The following ADAMTSL1 variants were observed in gnomAD, a reference collection of about 807,000 sequenced individuals.
ADAMTSL1 encodes ADAMTS like 1.
A neutral mutation model predicts 201.8 loss-of-function variants in ADAMTSL1; 126 were observed. The observed-to-expected ratio is 0.62, with a 90% CI of 0.54 to 0.72. The LOEUF (loss-of-function observed/expected upper bound fraction) is 0.72. Among genes scored for constraint, ADAMTSL1 ranks in the 30% least tolerant of loss-of-function variants. The pLI, the probability that ADAMTSL1 is intolerant of heterozygous loss-of-function variation, is 0.00. For missense variants in ADAMTSL1, 2,679 were observed against 2,277.8 expected, an observed-to-expected ratio of 1.18 and a Z score of -3.59; for synonymous variants, 1,121 against 903.4, an observed-to-expected ratio of 1.24 and a Z score of -4.32.
intron 2 of ADAMTSL1, among the ~76,000 whole-genome samples, chr9:18,284,341 A>G (rs1013652666): frequency 3.9e-5 from 6 of 152,216 alleles, no homozygotes; most frequent in African/African-American, 1.4e-4. Flanking sequence ...GACTTTGTCC[A>G]TATGCTTATG....
rs540447325 is a variant in ADAMTSL1 at position 18,323,297 on chromosome 9, C to T, written c.207+159316C>T. On this transcript the variant is annotated intron_variant, in intron 2 of 29. Transcript: ENST00000680146. ...ATTAACAAAAAAACTATAGAATCAGCTCAATGGAGTAATAAAAATTATTTG... is the reference window on the plus strand; with the variant it reads ...ATTAACAAAAAAACTATAGAATCAGTTCAATGGAGTAATAAAAATTATTTG... Among the ~76,000 whole-genome samples, 5 of 152,148 alleles carry T rather than the reference C, an allele frequency of 3.3e-5. No individual in the cohort carries two copies. The South Asian group carries it at 1.0e-3, about 32-fold the overall frequency.
chr9:18,517,248 G>C (rs554504643), intron 2 of ADAMTSL1, among the ~76,000 whole-genome samples: 3 of 151,680 alleles, frequency 2.0e-5, no homozygotes, highest in Non-Finnish European at 4.4e-5. Context: ...GCAATCCCCC[G>C]GCCCCCACCC....
chr9:18,244,254 CA>C, intron 2 of ADAMTSL1, among the ~76,000 whole-genome samples: 1 of 152,186 alleles, frequency 6.6e-6, no homozygotes. Context: ...GCCTGTCTGG[CA>C]CAGACTCTCT....
intron 1 of ADAMTSL1, among the ~76,000 whole-genome samples, chr9:17,967,063 A>G (rs1016628944): frequency 6.6e-6 from 1 of 152,136 alleles, no homozygotes; most frequent in Non-Finnish European, 1.5e-5. Flanking sequence ...AAGTTGTAAT[A>G]TCCTTAAGTG....
chr9:18,181,193 AC>A (rs1736486683), intron 2 of ADAMTSL1, among the ~76,000 whole-genome samples: 1 of 152,214 alleles, frequency 6.6e-6, no homozygotes, highest in Admixed American at 6.5e-5. Flanking sequence ...CTAGAAGAAA[AC>A]CTAGGCAACA....
At chr9:17,943,672 A>T (rs935977292) in intron 1 of ADAMTSL1, among the ~76,000 whole-genome samples, 2 of 152,110 alleles carry the variant, frequency 1.3e-5, no homozygotes, top group Non-Finnish European at 1.5e-5. Flanking sequence ...CTTCCTCATG[A>T]CTTCATGAAT....
At chr9:17,917,707 T>C (rs1227203144) in intron 1 of ADAMTSL1, among the ~76,000 whole-genome samples, 3 of 152,106 alleles carry the variant, frequency 2.0e-5, no homozygotes, top group South Asian at 2.1e-4. Flanking sequence ...ATAGAATAAG[T>C]CAGAAAATAT....
At chr9:18,061,713 C>T (rs1822462774) in intron 1 of ADAMTSL1, among the ~76,000 whole-genome samples, 1 of 152,182 alleles carries the variant, frequency 6.6e-6, no homozygotes, top group South Asian at 2.1e-4. Context: ...AAGTTAGTGT[C>T]ATATCATTTG....
intron 2 of ADAMTSL1, among the ~76,000 whole-genome samples, chr9:18,273,221 A>C (rs764796474): frequency 6.6e-6 from 1 of 152,188 alleles, no homozygotes; most frequent in Non-Finnish European, 1.5e-5. Flanking sequence ...CAGGGACTAC[A>C]GGCAGGCACC....
At chr9:18,544,193 G>A (rs186954757) in intron 3 of ADAMTSL1, among the ~76,000 whole-genome samples, 2 of 152,228 alleles carry the variant, frequency 1.3e-5, no homozygotes, top group African/African-American at 4.8e-5. Flanking sequence ...GAAATACATG[G>A]GAAATAACAA....
At chr9:18,360,638 A>C (rs2133076526) in intron 2 of ADAMTSL1, 1 of 152,306 alleles carries the variant, frequency 6.6e-6, no homozygotes, top group African/African-American at 2.4e-5. Context: ...AACACTCTTC[A>C]AAGTGGGGCA....
intron 2 of ADAMTSL1, among the ~76,000 whole-genome samples, chr9:18,318,723 T>A (rs1050532280): frequency 6.8e-6 from 1 of 147,428 alleles, no homozygotes; most frequent in African/African-American, 2.5e-5. Context: ...TCGTAGCTAA[T>A]TTTTTTTTTT....
chr9:18,644,298 C>A (rs1490791059), intron 7 of ADAMTSL1, among the ~76,000 whole-genome samples: 2 of 151,838 alleles, frequency 1.3e-5, no homozygotes, highest in Admixed American at 6.6e-5. Context: ...TTAATTTAAG[C>A]AGTGCATTGC....
chr9:17,999,040 CT>C (rs1049176690), intron 1 of ADAMTSL1, among the ~76,000 whole-genome samples: 2 of 152,112 alleles, frequency 1.3e-5, no homozygotes, highest in South Asian at 2.1e-4. Flanking sequence ...CATTCTGCCT[CT>C]TTTTTTGTTC....
chr9:18,244,084 ATT>A (rs1156801445), intron 2 of ADAMTSL1, among the ~76,000 whole-genome samples: 1 of 97,432 alleles, frequency 1.0e-5, no homozygotes, highest in Non-Finnish European at 2.3e-5. Flanking sequence ...GAGAGAAATG[ATT>A]TTGTGTGTGT....
chr9:18,438,950 T>A (rs556111403), intron 2 of ADAMTSL1, among the ~76,000 whole-genome samples: 62 of 151,762 alleles, frequency 4.1e-4, no homozygotes, highest in Middle Eastern at 3.5e-3. Flanking sequence ...CCACCCGCAT[T>A]TATGCACACT....
chr9:18,538,348 T>C (rs769879322), intron 3 of ADAMTSL1, among the ~76,000 whole-genome samples: 5 of 151,914 alleles, frequency 3.3e-5, no homozygotes, highest in African/African-American at 4.9e-5. Flanking sequence ...CGCGGCATTA[T>C]AGCCAGAGAG....
At chr9:18,764,966 A>G (rs140898178) in intron 16 of ADAMTSL1, among the ~76,000 whole-genome samples, 8 of 152,316 alleles carry the variant, frequency 5.3e-5, no homozygotes, top group African/African-American at 1.7e-4. Flanking sequence ...TAATCACTCT[A>G]TAGTACAATT....
At position 17,950,152 on chromosome 9, in the gene ADAMTSL1, C is replaced by A. The variant is rs193132752; in HGVS notation, c.87+43230C>A. Among the ~76,000 whole-genome samples the A allele has an allele frequency of 1.6e-3, 247 of 152,206 alleles. 1 individual carries two copies. The highest frequency in any genetic ancestry group is 5.3e-3 in the African/African-American group (221 of 41,530). On this transcript the variant is annotated intron_variant, in intron 1 of 29. Transcript: ENST00000680146. Reference sequence around the variant, plus strand: ...GAACTCCTGGACTCAGGTGATCTGCCTGCCTCGGCCTCCTAAAGTGTAGGG... The same window carrying A: ...GAACTCCTGGACTCAGGTGATCTGCATGCCTCGGCCTCCTAAAGTGTAGGG...
Sources: gnomAD v4.1 joint callset for allele counts (sites outside exome capture counted in the v4.1 genomes callset) on GRCh38, gnomAD v4.1.1 for gene constraint, MANE v1.5 for transcripts, NCBI Gene and HGNC (gene_info 2026-07-23, HGNC 2026-07-21) for gene names.